The following AMTN variants were observed in gnomAD, a reference collection of about 807,000 sequenced individuals.
AMTN encodes amelotin, also known as RSTI689.
In AMTN, 29 loss-of-function variants were observed where a neutral mutation model predicts 27.4. The ratio of observed to expected loss-of-function variants is 1.06; its 90% CI spans 0.79 to 1.44. The LOEUF (loss-of-function observed/expected upper bound fraction) is 1.44. Among genes scored for constraint, AMTN ranks in the 40% most tolerant of loss-of-function variants. The probability of loss-of-function intolerance (pLI) is 0.00; values close to 1 mark genes in which losing one functional copy is unlikely to be tolerated. For missense variants in AMTN, 247 were observed against 248.8 expected, an observed-to-expected ratio of 0.99 and a Z score of 0.05; for synonymous variants, 86 against 95.7, an observed-to-expected ratio of 0.90 and a Z score of 0.59.
At chr4:70,519,913 CGT>C (rs10645813) in intron 2 of AMTN, among the ~76,000 whole-genome samples, 2,410 of 147,116 alleles carry the variant, frequency 0.016, 55 homozygotes, top group African/African-American at 0.056. Flanking sequence ...ATACTACATA[CGT>C]GTGTGTGTGT....
At chr4:70,530,527 A>G (rs1266223608) in intron 7 of AMTN, among the ~76,000 whole-genome samples, 2 of 152,344 alleles carry the variant, frequency 1.3e-5, no homozygotes, top group African/African-American at 4.8e-5. Context: ...GCAGATTGCT[A>G]GGTCCTGCTC....
At chr4:70,530,822 A>G (rs575040261) in intron 7 of AMTN, among the ~76,000 whole-genome samples, 2 of 152,296 alleles carry the variant, frequency 1.3e-5, no homozygotes, top group South Asian at 4.1e-4. Flanking sequence ...TATGTAATTT[A>G]TTTCTGAGGG....
intron 5 of AMTN, among the ~76,000 whole-genome samples, chr4:70,527,571 C>A (rs192269125): frequency 1.2e-4 from 19 of 152,208 alleles, no homozygotes; most frequent in Non-Finnish European, 2.5e-4. Flanking sequence ...GTAATTTTTC[C>A]TTGTTGGCAT....
intron 2 of AMTN, among the ~76,000 whole-genome samples, chr4:70,521,640 CTTTTTTTTTTTTT>C (rs763143860): frequency 1.3e-5 from 1 of 76,464 alleles, no homozygotes; most frequent in Non-Finnish European, 2.3e-5. Context: ...ACCAACCTCT[CTTTTTTTTTTTTT>C]TTTTTTTTTT....
intron 2 of AMTN, among the ~76,000 whole-genome samples, chr4:70,521,378 TAA>T (rs58094819): frequency 2.4e-3 from 272 of 115,014 alleles, no homozygotes; most frequent in Middle Eastern, 4.7e-3. Context: ...AGACTCCACT[TAA>T]AAAAAAAAAA....
intron 5 of AMTN, among the ~76,000 whole-genome samples, chr4:70,525,955 C>T (rs1462279640): frequency 6.6e-6 from 1 of 152,098 alleles, no homozygotes; most frequent in African/African-American, 2.4e-5. Context: ...AATCCTTTTA[C>T]AGCAAGACTA....
rs773335972 is a variant in AMTN, at chr4:70,531,144, G to A, written c.463G>A (p.Ala155Thr). The stretch of plus-strand genomic sequence containing the variant: ...AGATGTCCAGGATGGAAGCCTTCCA[G>A]CAGGAGGAGCAGGTGTAAATCCTGC... ...NPDVQDGSLP[A>T]GGAGVNPATQ... The change falls in exon 8 of 9, where the codon GCA becomes ACA. Residue 155 changes from alanine to threonine, a missense_variant. Ala to Thr is a moderately conservative substitution (Grantham distance 58, BLOSUM62 0). Transcript: ENST00000339336. The A allele has an allele frequency of 1.1e-5, 18 of 1,613,922 alleles. No individual in the cohort carries two copies. The highest frequency in any genetic ancestry group is 1.7e-5 in the Admixed American group (1 of 60,000).
intron 7 of AMTN, among the ~76,000 whole-genome samples, chr4:70,529,572 A>T (rs749826285): frequency 5.3e-5 from 8 of 152,350 alleles, no homozygotes; most frequent in East Asian, 1.9e-4. Flanking sequence ...TACAGGAAAG[A>T]TTAAATTCCT....
At chr4:70,524,022 G>A (rs898579346) in intron 4 of AMTN, 89 bp downstream of exon 4, 55 of 1,043,012 alleles carry the variant, frequency 5.3e-5, no homozygotes, top group African/African-American at 3.0e-4. Context: ...ATATGGGTGC[G>A]TATATCCACA....
At chr4:70,522,454 T>C (rs924148661) in intron 2 of AMTN, among the ~76,000 whole-genome samples, 10 of 152,144 alleles carry the variant, frequency 6.6e-5, no homozygotes, top group African/African-American at 1.9e-4. Context: ...ATTCATGTCC[T>C]GGCAAAAGAG....
intron 2 of AMTN, among the ~76,000 whole-genome samples, chr4:70,521,032 G>A (rs1277118048): frequency 2.0e-5 from 3 of 152,092 alleles, no homozygotes; most frequent in African/African-American, 7.2e-5. Flanking sequence ...AGCTACTGGG[G>A]GCCCAGAGCC....
rs763467017 is a variant in AMTN, at chr4:70,522,696, G to C, written c.55-59G>C. ...CATTGGTGGCAACCTGGATATAAAT[G>C]GACACAAAATCTTAAACACATTCCT... On this transcript the variant is annotated intron_variant, in intron 2 of 8. Transcript: ENST00000339336. The C allele has an allele frequency of 4.8e-5, 74 of 1,537,460 alleles. 2 individuals carry two copies. The South Asian group carries it at 8.1e-4, about 17-fold the overall frequency.
rs778327423 is a variant in AMTN at position 70,523,883 on chromosome 4, A to G, written c.154A>G (p.Ser52Gly). 6.2e-7 allele frequency: 1 copy of G among 1,613,598 alleles called. No homozygotes were observed. The highest frequency in any genetic ancestry group is 8.5e-7 in the Non-Finnish European group (1 of 1,179,720). The change falls in exon 4 of 9, where the codon AGT (serine) becomes GGT (glycine). Residue 52 changes from serine to glycine, a missense_variant. Physicochemically the swap from Ser to Gly is moderately conservative, Grantham distance 56. Coordinates refer to ENST00000339336, the MANE Select transcript of AMTN (RefSeq NM_212557.4). The part of the protein sequence containing the change: ...QQSNQVFPSL[S>G]LIPLTQMLTL... ...TCCCCTGCAGGTCTTTCCTTCTTTAAGTCTGATACCATTAACACAGATGCT... is the reference window on the plus strand; with the variant it reads ...TCCCCTGCAGGTCTTTCCTTCTTTAGGTCTGATACCATTAACACAGATGCT...
In AMTN at chr4:70,524,020, G is replaced by T. The variant is rs1736041354; in HGVS notation, c.204+87G>T. The T allele has an allele frequency of 3.7e-6, 4 of 1,072,232 alleles. No individual in the cohort carries two copies. In the Admixed American group the frequency reaches 7.6e-5, roughly 20 times the overall value. 66.4% of individuals were successfully genotyped at this position (1,072,232 alleles called of 1,614,324 possible). On this transcript the variant is annotated intron_variant, in intron 4 of 8. Coordinates refer to ENST00000339336, the MANE Select transcript of AMTN (RefSeq NM_212557.4). Reference sequence around the variant, plus strand: ...CAGTGGGGGGAGCATGTATATGGGTGCGTATATCCACAAATGAAAACACAC... The same window carrying T: ...CAGTGGGGGGAGCATGTATATGGGTTCGTATATCCACAAATGAAAACACAC...
chr4:70,529,132 A>C (rs1177519248), intron 6 of AMTN, 52 bp from the exon 7 acceptor site: 5 of 1,445,260 alleles, frequency 3.5e-6, no homozygotes, highest in African/African-American at 1.5e-5. Context: ...ATATATTACT[A>C]CAAATACATT....
intron 5 of AMTN, among the ~76,000 whole-genome samples, chr4:70,525,917 A>G (rs1280279845): frequency 2.6e-5 from 4 of 151,996 alleles, no homozygotes; most frequent in Non-Finnish European, 4.4e-5. Context: ...AAGAGAAGGA[A>G]AAGAAAGTCT....
chr4:70,519,339 C>A (rs1735896807), intron 2 of AMTN, among the ~76,000 whole-genome samples: 1 of 151,994 alleles, frequency 6.6e-6, no homozygotes, highest in Non-Finnish European at 1.5e-5. Context: ...AAATAGTATT[C>A]ACATATAACA....
chr4:70,520,075 T>C (rs1346204538), intron 2 of AMTN, among the ~76,000 whole-genome samples: 1 of 151,878 alleles, frequency 6.6e-6, no homozygotes, highest in East Asian at 1.9e-4. Context: ...TTCTTCAAAA[T>C]AGTTTCTCTA....
At chr4:70,525,957 G>A (rs1041984012) in intron 5 of AMTN, among the ~76,000 whole-genome samples, 29 of 152,078 alleles carry the variant, frequency 1.9e-4, no homozygotes, top group Non-Finnish European at 3.5e-4. Flanking sequence ...TCCTTTTACA[G>A]CAAGACTAAG....
Sources: allele counts gnomAD v4.1 joint callset (sites outside exome capture counted in the v4.1 genomes callset), GRCh38; gene constraint gnomAD v4.1.1; transcripts MANE v1.5; gene names NCBI Gene and HGNC (gene_info 2026-07-23, HGNC 2026-07-21).